Variants in NEB observed in about 807,000 individuals in gnomAD.
NEB encodes the protein nebulin.
Under a neutral mutation model 952.2 loss-of-function variants are expected in NEB, and 512 were observed. That is an observed-to-expected ratio of 0.54 (90% CI 0.50 to 0.58). The LOEUF (loss-of-function observed/expected upper bound fraction) is 0.58, where lower values mean the gene tolerates loss of function less well. Among genes scored for constraint, NEB ranks in the 20% least tolerant of loss-of-function variants. The pLI is 0.00. For missense variants in NEB, 8,428 were observed against 9,231.1 expected (o/e 0.91, Z 3.56); for synonymous variants, 2,900 against 3,149.8 (o/e 0.92, Z 2.66).
At chr2:151,577,430 A>G (rs1294767626) in intron 105 of NEB, among the ~76,000 whole-genome samples, 1 of 152,110 alleles carries the variant, frequency 6.6e-6, no homozygotes, top group Admixed American at 6.5e-5. Flanking sequence ...TTCTTCCTTC[A>G]TATCTCTGTA....
chr2:151,620,737 C>T (rs1197755958), intron 72 of NEB, among the ~76,000 whole-genome samples, 182 bp downstream of exon 72: 1 of 152,132 alleles, frequency 6.6e-6, no homozygotes, highest in African/African-American at 2.4e-5. Context: ...GAGCCACATT[C>T]CAGTCTAGGC....
chr2:151,560,733 G>A, intron 123 of NEB, 34 bp from the exon 124 acceptor site: 1 of 1,511,224 alleles, frequency 6.6e-7, no homozygotes, highest in South Asian at 1.2e-5. Context: ...GTGAATATGG[G>A]AAAATGCATC....
At chr2:151,503,586 A>G in intron 165 of NEB, 145 bp from the exon 166 acceptor site, 3 of 551,194 alleles carry the variant, frequency 5.4e-6, no homozygotes, top group Admixed American at 3.6e-5. Flanking sequence ...GGAAAATTCC[A>G]TGAATATTTA....
intron 9 of NEB, among the ~76,000 whole-genome samples, chr2:151,722,534 G>T: frequency 6.6e-6 from 1 of 152,188 alleles, no homozygotes; most frequent in South Asian, 2.1e-4. Flanking sequence ...GTTGTTGTTG[G>T]TGTGGTCATT....
chr2:151,718,971 T>A (rs1174982808), intron 9 of NEB, among the ~76,000 whole-genome samples: 1 of 152,118 alleles, frequency 6.6e-6, no homozygotes, highest in East Asian at 1.9e-4. Flanking sequence ...CTGTTCCCTC[T>A]CCCCATCTGT....
chr2:151,627,702 A>C lies in NEB; in HGVS notation c.9964T>G (p.Phe3322Val). The change falls in exon 69 of 182, where the codon TTT becomes GTT. Residue 3322 changes from phenylalanine to valine, a missense_variant. Physicochemically the swap from Phe to Val is conservative, Grantham distance 50. Around this residue, in one of 11 missense-constraint regions of NEB, gnomAD observed 1,772 missense variants for 1,960.3 expected, o/e 0.90. Coordinates refer to ENST00000397345, the MANE Select transcript of NEB (RefSeq NM_001164508.2). ...CTGAACTTGGTCTTCCACTTCTCAA[A>C]GTCCTTCTTATACTCCCTGTCACTC... ...IQSDREYKKDFEKWKTKFSSP... is the reference protein window; with the variant it reads ...IQSDREYKKDVEKWKTKFSSP... The C allele has an allele frequency of 6.2e-7, 1 of 1,613,874 alleles. No homozygotes were observed.
intron 107 of NEB, among the ~76,000 whole-genome samples, chr2:151,572,149 T>C (rs1203342886): frequency 8.5e-5 from 13 of 152,086 alleles, no homozygotes; most frequent in Admixed American, 3.3e-4. Flanking sequence ...TGGTGAAACC[T>C]TGTCTCTATT....
intron 5 of NEB, among the ~76,000 whole-genome samples, chr2:151,725,829 T>C (rs1341568172): frequency 6.6e-6 from 1 of 152,170 alleles, no homozygotes; most frequent in Non-Finnish European, 1.5e-5. Context: ...TCAATCTTTT[T>C]TTTTGTCTGA....
At position 151,618,985 on chromosome 2, in the gene NEB, A is replaced by G. The variant is rs186909172; in HGVS notation, c.10872+466T>C. ...TCTCAATAGGACATGCTGAATGTTG[A>G]TAAGTATTAGACGACTGGTTTCGAA... On this transcript the variant is annotated intron_variant, in intron 73 of 181. Transcript: ENST00000397345. 3.6e-3 allele frequency among the ~76,000 whole-genome samples: 554 copies of G among 152,320 alleles called. 4 individuals carry two copies. Among genetic ancestry groups the G allele is most frequent in the African/African-American group, 0.013 (528 of 41,564 alleles).
At chr2:151,616,625 C>T (rs1008728542) in intron 75 of NEB, among the ~76,000 whole-genome samples, 33 of 152,224 alleles carry the variant, frequency 2.2e-4, no homozygotes, top group Middle Eastern at 3.4e-3. Flanking sequence ...ACCCAGGAGG[C>T]GGAGGTTGCA....
At chr2:151,609,742 C>T in intron 81 of NEB, 67 bp downstream of exon 81, 1 of 1,461,906 alleles carries the variant, frequency 6.8e-7, no homozygotes, top group Non-Finnish European at 9.3e-7. Context: ...TCCTCAGAGG[C>T]ACTGACTGGG....
chr2:151,680,346 C>T (rs1013119480), intron 30 of NEB, among the ~76,000 whole-genome samples: 1 of 147,030 alleles, frequency 6.8e-6, no homozygotes, highest in Admixed American at 7.0e-5. Context: ...ATTAAAAGGA[C>T]TTAGGGATGG....
Position 151,678,054 on chromosome 2 carries a change from T to C in NEB, c.3389A>G (p.Tyr1130Cys), listed in dbSNP as rs752193365. The change falls in exon 33 of 182, where the codon TAT (tyrosine) becomes TGT (cysteine). Residue 1130 changes from tyrosine to cysteine, a missense_variant. By Grantham distance (194) the Tyr-to-Cys change is radical. Transcript: ENST00000397345. ...IQSDREYKKD[Y>C]EKTKSKYNTP... is the part of the protein sequence containing the mutation. Reference sequence around the variant, plus strand: ...GTTGTATTTGGACTTTGTCTTCTCATAGTCTTTTTTATACTCCCGATCTGA... The same window carrying C: ...GTTGTATTTGGACTTTGTCTTCTCACAGTCTTTTTTATACTCCCGATCTGA... 6 of 1,613,960 alleles carry C rather than the reference T, an allele frequency of 3.7e-6. No homozygotes were observed. The highest frequency in any genetic ancestry group is 3.3e-5 in the Admixed American group (2 of 60,024).
intron 12 of NEB, 120 bp from the exon 13 acceptor site, chr2:151,707,117 AT>A: frequency 1.5e-6 from 1 of 646,902 alleles, no homozygotes; most frequent in Non-Finnish European, 2.6e-6. Context: ...GCAGCTTGAC[AT>A]TTTATAAACA....
chr2:151,668,714 A>G (rs537901110), intron 39 of NEB, among the ~76,000 whole-genome samples: 1 of 152,318 alleles, frequency 6.6e-6, no homozygotes, highest in Non-Finnish European at 1.5e-5. Flanking sequence ...AATGTTTTCC[A>G]TACTACAGAC....
chr2:151,534,284 A>T lies in NEB; in HGVS notation c.21313-738T>A, dbSNP rs199934793. 29 of 1,613,650 alleles carry T rather than the reference A, an allele frequency of 1.8e-5. No homozygotes were observed. The African/African-American group carries it at 2.5e-4, about 14-fold the overall frequency. On this transcript the variant is annotated intron_variant, in intron 142 of 181. Coordinates refer to ENST00000397345, the MANE Select transcript of NEB (RefSeq NM_001164508.2). The stretch of plus-strand genomic sequence containing the variant: ...GCTCATCGACTACCAGGTGGTATTT[A>T]TCTTTCCGCTGCTCATAATCAGCTC...
At chr2:151,612,480 T>G in intron 77 of NEB, 91 bp from the exon 78 acceptor site, 1 of 1,216,620 alleles carries the variant, frequency 8.2e-7, no homozygotes, top group Non-Finnish European at 1.2e-6. Flanking sequence ...AATGTGTTAG[T>G]CTGAATCTTA....
chr2:151,670,609 T>G (rs1271834297), intron 38 of NEB, among the ~76,000 whole-genome samples: 1 of 152,178 alleles, frequency 6.6e-6, no homozygotes, highest in Non-Finnish European at 1.5e-5. Context: ...TCTCAGAACA[T>G]GGAGCTATTA....
chr2:151,493,049 G>A (rs1353032344), intron 176 of NEB: 1 of 284,732 alleles, frequency 3.5e-6, no homozygotes, highest in Non-Finnish European at 6.6e-6. Context: ...AAGTAAATTT[G>A]TTATAGTTGG....
Sources: gnomAD v4.1 joint callset for allele counts (sites outside exome capture counted in the v4.1 genomes callset) on GRCh38, gnomAD v4.1.1 for gene constraint, gnomAD v4.1.1 regional missense constraint, MANE v1.5 for transcripts, NCBI Gene and HGNC (gene_info 2026-07-23, HGNC 2026-07-21) for gene names.